Variants in PRIM2 observed in about 807,000 individuals in gnomAD.
The protein encoded by PRIM2 is DNA primase subunit 2.
A neutral mutation model predicts 67.3 loss-of-function variants in PRIM2; 39 were observed. That is an observed-to-expected ratio of 0.58 (90% confidence interval 0.45 to 0.76). PRIM2 has a LOEUF of 0.76. PRIM2 is among the 30% of genes least tolerant of loss of function. The pLI, the probability that PRIM2 is intolerant of heterozygous loss-of-function variation, is 0.00. For missense variants in PRIM2, 398 were observed against 598.7 expected, an observed-to-expected ratio of 0.66 and a Z score of 3.50; for synonymous variants, 143 against 198.7, an observed-to-expected ratio of 0.72 and a Z score of 2.36.
intron 5 of PRIM2, among the ~76,000 whole-genome samples, chr6:57,328,345 C>T (rs1456034416): frequency 6.6e-6 from 1 of 152,184 alleles, no homozygotes; most frequent in Non-Finnish European, 1.5e-5. Flanking sequence ...CATTTATGGT[C>T]ATTCCCTATT....
chr6:57,253,338 G>A, the PRIM2 span, among the ~76,000 whole-genome samples: 17 of 152,186 alleles, frequency 1.1e-4, no homozygotes, highest in Non-Finnish European at 2.4e-4. Flanking sequence ...GCAAGGAGGA[G>A]ATCATGAGTG....
chr6:57,284,802 A>G, the PRIM2 span, among the ~76,000 whole-genome samples: 1 of 152,296 alleles, frequency 6.6e-6, no homozygotes, highest in Non-Finnish European at 1.5e-5. Context: ...ACAAGCATAC[A>G]AGGATATACA....
At chr6:57,568,575 A>C (rs1775794602) in intron 10 of PRIM2, among the ~76,000 whole-genome samples, 2 of 152,384 alleles carry the variant, frequency 1.3e-5, no homozygotes, top group South Asian at 4.1e-4. Context: ...TTATGATAGA[A>C]TAGAATAAAA....
chr6:57,644,910 A>C (rs1489376257), intron 13 of PRIM2, among the ~76,000 whole-genome samples: 7 of 152,340 alleles, frequency 4.6e-5, no homozygotes, highest in Admixed American at 3.9e-4. Flanking sequence ...TAGAGTGCAT[A>C]ATTTGAAATG....
chr6:57,582,194 A>G (rs1369908710), intron 10 of PRIM2, among the ~76,000 whole-genome samples: 1 of 152,088 alleles, frequency 6.6e-6, no homozygotes, highest in Non-Finnish European at 1.5e-5. Flanking sequence ...TTGTTTTACT[A>G]TCAAATAATG....
intron 5 of PRIM2, among the ~76,000 whole-genome samples, chr6:57,340,598 T>C (rs1768443765): frequency 6.6e-6 from 1 of 151,870 alleles, no homozygotes; most frequent in African/African-American, 2.4e-5. Context: ...CAGTAAACTA[T>C]CACAAGAACA....
At chr6:57,404,514 T>G (rs1402304419) in intron 7 of PRIM2, among the ~76,000 whole-genome samples, 9 of 147,424 alleles carry the variant, frequency 6.1e-5, no homozygotes, top group South Asian at 2.2e-4. Context: ...GTGTACTGTT[T>G]ATAAAAGCAA....
intron 7 of PRIM2, among the ~76,000 whole-genome samples, chr6:57,491,892 T>A (rs1304961360): frequency 6.6e-6 from 1 of 152,196 alleles, no homozygotes; most frequent in African/African-American, 2.4e-5. Context: ...TTGTATAAGA[T>A]GCCAATTCCT....
intron 7 of PRIM2, among the ~76,000 whole-genome samples, chr6:57,473,887 T>C (rs1309248137): frequency 1.3e-5 from 2 of 151,194 alleles, no homozygotes; most frequent in African/African-American, 4.9e-5. Flanking sequence ...GGGGCTCTAC[T>C]GTTTGTTTGT....
At chr6:57,547,447 G>A (rs1159140506) in intron 10 of PRIM2, among the ~76,000 whole-genome samples, 1 of 152,110 alleles carries the variant, frequency 6.6e-6, no homozygotes, top group Non-Finnish European at 1.5e-5. Flanking sequence ...GTGGGTGCTC[G>A]ATGTTTAGCT....
chr6:57,280,367 C>T, the PRIM2 span, among the ~76,000 whole-genome samples: 1 of 151,582 alleles, frequency 6.6e-6, no homozygotes, highest in Non-Finnish European at 1.5e-5. Context: ...CTTTCCTGGG[C>T]ATTTCCATAC....
the PRIM2 span, among the ~76,000 whole-genome samples, chr6:57,266,819 G>A: frequency 1.8e-4 from 27 of 152,098 alleles, no homozygotes; most frequent in Non-Finnish European, 3.2e-4. Context: ...ATCTCTTTTA[G>A]CTCAGTTTCC....
chr6:57,529,463 T>C (rs1774841425), intron 8 of PRIM2, among the ~76,000 whole-genome samples: 1 of 152,192 alleles, frequency 6.6e-6, no homozygotes, highest in Non-Finnish European at 1.5e-5. Context: ...GAAACAATTA[T>C]CTGGTTATGC....
intron 2 of PRIM2, among the ~76,000 whole-genome samples, chr6:57,319,127 A>G (rs1767569220): frequency 6.6e-6 from 1 of 152,234 alleles, no homozygotes; most frequent in Non-Finnish European, 1.5e-5. Flanking sequence ...AAAGGCTTGG[A>G]GCATGAAAGA....
At chr6:57,345,506 G>GTGTGTGTATA (rs369673115) in intron 5 of PRIM2, among the ~76,000 whole-genome samples, 3 of 122,244 alleles carry the variant, frequency 2.5e-5, no homozygotes, top group Non-Finnish European at 3.4e-5. Context: ...GTGTGTGTGT[G>GTGTGTGTATA]TACATACATA....
At chr6:57,519,386 A>AT (rs1491207129) in intron 8 of PRIM2, among the ~76,000 whole-genome samples, 1 of 152,240 alleles carries the variant, frequency 6.6e-6, no homozygotes, top group Non-Finnish European at 1.5e-5. Context: ...CTCGACCATA[A>AT]GAGATGGCTA....
intron 8 of PRIM2, among the ~76,000 whole-genome samples, chr6:57,515,538 T>A (rs1259689413): frequency 2.0e-5 from 3 of 152,126 alleles, no homozygotes; most frequent in Admixed American, 6.5e-5. Context: ...TTGAAAAAGG[T>A]GGAATTGAGG....
chr6:57,502,005 T>A (rs2127457905), intron 7 of PRIM2, among the ~76,000 whole-genome samples: 1 of 152,328 alleles, frequency 6.6e-6, no homozygotes, highest in South Asian at 2.1e-4. Context: ...TCTGCTTTAT[T>A]TCTAACAATC....
intron 3 of PRIM2, among the ~76,000 whole-genome samples, chr6:57,322,324 G>A (rs1056106603): frequency 2.0e-5 from 3 of 152,118 alleles, no homozygotes; most frequent in Non-Finnish European, 4.4e-5. Context: ...AAGCAAATGG[G>A]TTGCGGGGTT....
Sources: gnomAD v4.1 joint callset for allele counts (sites outside exome capture counted in the v4.1 genomes callset) on GRCh38, gnomAD v4.1.1 for gene constraint, MANE v1.5 for transcripts, NCBI Gene and HGNC (gene_info 2026-07-23, HGNC 2026-07-21) for gene names.